USP40: variants seen among roughly 807,000 people sequenced by gnomAD.
USP40 encodes ubiquitin specific peptidase 40.
A neutral mutation model predicts 166.2 loss-of-function variants in USP40; 143 were observed. The ratio of observed to expected loss-of-function variants is 0.86; its 90% CI spans 0.75 to 0.99. USP40 has a LOEUF of 0.99. USP40 is among the 50% of genes least tolerant of loss of function. USP40 has a pLI of 0.00. For missense variants in USP40, 1,444 were observed against 1,479.7 expected (o/e 0.98, Z 0.40); for synonymous variants, 498 against 524.0 (o/e 0.95, Z 0.68).
At position 233,554,668 on chromosome 2, in the gene USP40, T is replaced by C. The variant is rs113818429; in HGVS notation, c.547-142A>G. ...AAGATGTAGATCTCCTGATTAGATG[T>C]TGTGAAGTTCATAACACTAAATTAT... On this transcript the variant is annotated intron_variant, in intron 5 of 31. Transcript: ENST00000678225. 545 of 582,454 alleles carry C rather than the reference T, an allele frequency of 9.4e-4. 4 individuals are homozygous for C. Among genetic ancestry groups the C allele is most frequent in the African/African-American group, 8.9e-3 (462 of 51,650 alleles). 36.1% of individuals were successfully genotyped at this position (582,454 alleles called of 1,614,324 possible).
intron 30 of USP40, among the ~76,000 whole-genome samples, chr2:233,482,810 A>G (rs1274911741): frequency 6.6e-6 from 1 of 152,126 alleles, no homozygotes; most frequent in African/African-American, 2.4e-5. Context: ...TTGGGATTAC[A>G]GGCGTGAGCC....
At chr2:233,529,996 C>T (rs1047599240) in intron 11 of USP40, among the ~76,000 whole-genome samples, 1 of 151,180 alleles carries the variant, frequency 6.6e-6, no homozygotes, top group Non-Finnish European at 1.5e-5. Context: ...GACAGGGTTT[C>T]GCCATGTTGC....
chr2:233,517,717 G>A (rs539230965), intron 18 of USP40, among the ~76,000 whole-genome samples: 3 of 151,786 alleles, frequency 2.0e-5, no homozygotes, highest in African/African-American at 7.3e-5. Context: ...AGCACAGTTT[G>A]CAATTGCAAA....
chr2:233,499,824 C>A (rs1187702433), intron 22 of USP40, 55 bp downstream of exon 22: 3 of 1,546,838 alleles, frequency 1.9e-6, no homozygotes, highest in Admixed American at 2.0e-5. Context: ...AAAAAAAAGT[C>A]AAAAAAATTT....
chr2:233,496,276 G>A (rs1056751322), intron 24 of USP40, among the ~76,000 whole-genome samples: 2 of 152,216 alleles, frequency 1.3e-5, no homozygotes, highest in Admixed American at 6.5e-5. Context: ...CGATGCTTAC[G>A]AAAGGGCAGT....
rs1450213327 is a variant in USP40 at position 233,520,983 on chromosome 2, C to A, written c.2325+8G>T. Reference sequence around the variant, plus strand: ...CTATCAGCCAACCTTTAATTATATTCTACTCACTGTGTTAACAGTTGCTGA... The same window carrying A: ...CTATCAGCCAACCTTTAATTATATTATACTCACTGTGTTAACAGTTGCTGA... On this transcript the variant is annotated splice_region_variant and intron_variant, in intron 17 of 31. Transcript: ENST00000678225. The A allele has an allele frequency of 1.2e-6, 2 of 1,608,182 alleles. No individual in the cohort carries two copies. Among genetic ancestry groups the A allele is most frequent in the Non-Finnish European group, 1.7e-6 (2 of 1,178,010 alleles).
chr2:233,553,498 C>T (rs2070769047), intron 6 of USP40, among the ~76,000 whole-genome samples: 1 of 152,090 alleles, frequency 6.6e-6, no homozygotes, highest in Non-Finnish European at 1.5e-5. Flanking sequence ...GATAAAACAC[C>T]AATATGTGGC....
Position 233,485,815 on chromosome 2 carries a change from A to G in USP40, c.3360T>C (p.Ile1120=). The G allele has an allele frequency of 6.2e-7, 1 of 1,612,146 alleles. No individual in the cohort carries two copies. Among genetic ancestry groups the G allele is most frequent in the Non-Finnish European group, 8.5e-7 (1 of 1,179,454 alleles). Residue 1120 remains isoleucine (I), a synonymous_variant, in exon 29 of 32, where the codon ATT becomes ATC. Coordinates refer to ENST00000678225, the MANE Select transcript of USP40 (RefSeq NM_001365479.2). ...FYRLPVEKIE[I]AKYFPEKFEW... The stretch of plus-strand genomic sequence containing the variant: ...CGAACTTTTCGGGAAAGTATTTGGC[A>G]ATTTCAATCTTCTCCACGGGAAGAC...
intron 21 of USP40, among the ~76,000 whole-genome samples, chr2:233,503,954 A>G (rs1237783415): frequency 6.6e-6 from 1 of 152,144 alleles, no homozygotes; most frequent in Non-Finnish European, 1.5e-5. Context: ...CAAAAACAAC[A>G]ACAGTTACTA....
In USP40 at chr2:233,476,428, C is replaced by CT. The variant is rs2064185354; in HGVS notation, c.*963dup. 6.6e-6 allele frequency: 1 copy of CT among 152,384 alleles called. No homozygotes were observed. The highest frequency in any genetic ancestry group is 1.5e-5 in the Non-Finnish European group (1 of 68,034). 9.4% of individuals were successfully genotyped at this position (152,384 alleles called of 1,614,324 possible). The stretch of plus-strand genomic sequence containing the variant: ...ATTTCTCACAAATGCCAATTAAATC[C>CT]TTTAAGTTGAATAGAAATCTGGGTT... On this transcript the variant is annotated 3_prime_UTR_variant, in exon 32 of 32. Transcript: ENST00000678225.
At chr2:233,488,379 TA>T in intron 27 of USP40, 75 bp from the exon 28 acceptor site, 1 of 1,391,288 alleles carries the variant, frequency 7.2e-7, no homozygotes, top group Non-Finnish European at 9.9e-7. Flanking sequence ...CCCCCAATTT[TA>T]AGCTTTTTTC....
intron 22 of USP40, 29 bp from the exon 23 acceptor site, chr2:233,498,641 A>C (rs750014824): frequency 1.1e-5 from 18 of 1,602,756 alleles, no homozygotes; most frequent in Admixed American, 1.7e-5. Context: ...TGGGATAAAA[A>C]AAATTCAAAG....
intron 31 of USP40, 37 bp from the exon 32 acceptor site, chr2:233,477,540 G>C: frequency 2.6e-6 from 4 of 1,567,960 alleles, no homozygotes; most frequent in Non-Finnish European, 3.5e-6. Flanking sequence ...ACTCATGGAT[G>C]CAGTGGGTGT....
intron 14 of USP40, 104 bp from the exon 15 acceptor site, chr2:233,524,666 A>G: frequency 1.2e-6 from 1 of 814,762 alleles, no homozygotes; most frequent in Non-Finnish European, 1.8e-6. Flanking sequence ...ATTTTCACTA[A>G]GGAAAATTTA....
intron 21 of USP40, among the ~76,000 whole-genome samples, chr2:233,507,957 G>A (rs758035650): frequency 2.6e-5 from 4 of 151,772 alleles, no homozygotes; most frequent in South Asian, 2.1e-4. Flanking sequence ...CCATAAATAC[G>A]TGTCAATTTA....
intron 3 of USP40, among the ~76,000 whole-genome samples, chr2:233,560,420 G>C (rs983871860): frequency 6.6e-6 from 1 of 152,190 alleles, no homozygotes; most frequent in Non-Finnish European, 1.5e-5. Context: ...GTTGCTCAGA[G>C]TCTGGTCTGT....
chr2:233,488,761 C>T (rs1317585954), intron 27 of USP40, among the ~76,000 whole-genome samples: 2 of 152,104 alleles, frequency 1.3e-5, no homozygotes, highest in African/African-American at 2.4e-5. Context: ...AAAAAATTAG[C>T]CTGGTGTCGT....
At chr2:233,487,349 G>A (rs1319123026) in intron 28 of USP40, among the ~76,000 whole-genome samples, 6 of 152,306 alleles carry the variant, frequency 3.9e-5, no homozygotes. Flanking sequence ...TGGTTTGTGG[G>A]TGAGGTAAAA....
At position 233,561,113 on chromosome 2, in the gene USP40, A is replaced by AT. The variant is rs561449258; in HGVS notation, c.268-1190dup. ...CCACTTAATTCCTTCTTTAAAAAAA[A>AT]TTTTCTGAATACGCTAAAACACCCC... On this transcript the variant is annotated intron_variant, in intron 3 of 31. Transcript: ENST00000678225. 710 of 1,545,888 alleles carry AT rather than the reference A, an allele frequency of 4.6e-4. 2 individuals are homozygous for AT. In the African/African-American group the frequency reaches 8.1e-3, roughly 18 times the overall value.
Sources: allele counts gnomAD v4.1 joint callset (sites outside exome capture counted in the v4.1 genomes callset), GRCh38; gene constraint gnomAD v4.1.1; transcripts MANE v1.5; gene names NCBI Gene and HGNC (gene_info 2026-07-23, HGNC 2026-07-21).